Variants in GRID2 observed in about 807,000 individuals in gnomAD.
GRID2 encodes glutamate ionotropic receptor delta type subunit 2.
A neutral mutation model predicts 114.8 loss-of-function variants in GRID2; 33 were observed. The observed-to-expected ratio is 0.29, with a 90% CI of 0.22 to 0.38. The LOEUF (loss-of-function observed/expected upper bound fraction) is 0.38, where lower values mean the gene tolerates loss of function less well. Among genes scored for constraint, GRID2 ranks in the 10% least tolerant of loss-of-function variants. The pLI, the probability that GRID2 is intolerant of heterozygous loss-of-function variation, is 1.00. For missense variants in GRID2, 1,184 were observed against 1,257.7 expected, an observed-to-expected ratio of 0.94 and a Z score of 0.89; for synonymous variants, 505 against 449.9, an observed-to-expected ratio of 1.12 and a Z score of -1.55.
Position 92,904,767 on chromosome 4 carries a change from A to C in GRID2, c.245-180228A>C, listed in dbSNP as rs147660654. On this transcript the variant is annotated intron_variant, in intron 2 of 15. Coordinates refer to ENST00000282020, the MANE Select transcript of GRID2 (RefSeq NM_001510.4). ...GGAGCAATGACAATGGATGGAACCA[A>C]AGAAAGAATACATTTATGAATTACA... Among the ~76,000 whole-genome samples, 12 of 152,140 alleles carry C rather than the reference A, an allele frequency of 7.9e-5. No individual in the cohort carries two copies. The East Asian group carries it at 2.3e-3, about 29-fold the overall frequency.
chr4:92,811,162 CT>C (rs1467420759), intron 2 of GRID2, among the ~76,000 whole-genome samples: 3 of 152,174 alleles, frequency 2.0e-5, no homozygotes, highest in South Asian at 2.1e-4. Flanking sequence ...CCAAAAATAT[CT>C]TTTTGCAGTA....
chr4:93,063,076 CAG>C (rs2149295227), intron 2 of GRID2, among the ~76,000 whole-genome samples: 1 of 151,940 alleles, frequency 6.6e-6, no homozygotes, highest in East Asian at 1.9e-4. Context: ...TATCTGGTAA[CAG>C]TGATGTTTGG....
At chr4:92,426,309 C>T (rs968696430) in intron 1 of GRID2, among the ~76,000 whole-genome samples, 4 of 152,060 alleles carry the variant, frequency 2.6e-5, no homozygotes, top group Admixed American at 6.6e-5. Context: ...TATATGGTAA[C>T]ATGATATACA....
chr4:92,396,463 CTT>C (rs1730496274), intron 1 of GRID2, among the ~76,000 whole-genome samples: 1 of 151,862 alleles, frequency 6.6e-6, no homozygotes, highest in Non-Finnish European at 1.5e-5. Flanking sequence ...ATGAGAATGA[CTT>C]ATCATCATCA....
intron 2 of GRID2, among the ~76,000 whole-genome samples, chr4:93,025,955 A>G (rs1287359319): frequency 6.6e-6 from 1 of 151,764 alleles, no homozygotes; most frequent in Non-Finnish European, 1.5e-5. Flanking sequence ...CTAGACATCA[A>G]TCCTAGTAGT....
chr4:93,558,777 A>T (rs1734591106), intron 13 of GRID2, among the ~76,000 whole-genome samples: 1 of 152,118 alleles, frequency 6.6e-6, no homozygotes, highest in Non-Finnish European at 1.5e-5. Flanking sequence ...GCAGAAACAC[A>T]ACAAAAAAAA....
intron 8 of GRID2, among the ~76,000 whole-genome samples, chr4:93,285,167 A>AT (rs2149134099): frequency 1.2e-5 from 1 of 85,192 alleles, no homozygotes; most frequent in East Asian, 2.9e-4. Flanking sequence ...GCATTTTGTA[A>AT]TAAAAAATAT....
At position 93,496,282 on chromosome 4, in the gene GRID2, A is replaced by G. The variant is rs183301341; in HGVS notation, c.1997+5505A>G. 1.1e-4 allele frequency among the ~76,000 whole-genome samples: 16 copies of G among 151,902 alleles called. No homozygotes were observed. In the East Asian group the frequency reaches 2.7e-3, roughly 26 times the overall value. On this transcript the variant is annotated intron_variant, in intron 12 of 15. Coordinates refer to ENST00000282020, the MANE Select transcript of GRID2 (RefSeq NM_001510.4). Reference sequence around the variant, plus strand: ...TTAATTTTGCAATTATTATATATACACAGGAAGTTTCAAAGATATAGTACA... The same window carrying G: ...TTAATTTTGCAATTATTATATATACGCAGGAAGTTTCAAAGATATAGTACA...
At chr4:93,126,620 C>T (rs1734291358) in intron 4 of GRID2, among the ~76,000 whole-genome samples, 1 of 69,054 alleles carries the variant, frequency 1.4e-5, no homozygotes, top group Non-Finnish European at 2.5e-5. Flanking sequence ...TTTTTTGAGA[C>T]GGAGTCTCGC....
rs77386172 is a variant in GRID2, at chr4:92,460,283, A to G, written c.89-129848A>G. 9.8e-3 allele frequency among the ~76,000 whole-genome samples: 1,494 copies of G among 151,792 alleles called. 23 individuals are homozygous for G. The highest frequency in any genetic ancestry group is 0.035 in the African/African-American group (1,432 of 41,394). The stretch of plus-strand genomic sequence containing the variant: ...GGGGTCAGCAGATATTCTTCCAGAG[A>G]CAAGAAGCACTGGTGTAAACAAGTA... On this transcript the variant is annotated intron_variant, in intron 1 of 15. Transcript: ENST00000282020.
chr4:92,572,581 A>G (rs1000177889), intron 1 of GRID2, among the ~76,000 whole-genome samples: 2 of 152,150 alleles, frequency 1.3e-5, no homozygotes, highest in Admixed American at 6.6e-5. Context: ...AGATACAACA[A>G]AAAAAGAGAA....
chr4:93,432,961 T>C (rs760915506), intron 10 of GRID2, among the ~76,000 whole-genome samples: 20 of 152,178 alleles, frequency 1.3e-4, no homozygotes, highest in Non-Finnish European at 2.1e-4. Flanking sequence ...TCCGAGCTGT[T>C]GAGGAGGCTG....
intron 14 of GRID2, among the ~76,000 whole-genome samples, chr4:93,725,362 T>C (rs1421884879): frequency 6.6e-6 from 1 of 152,248 alleles, no homozygotes; most frequent in Admixed American, 6.5e-5. Context: ...ATGTGCCACA[T>C]TTTCTTAATC....
At position 92,337,662 on chromosome 4, in the gene GRID2, A is replaced by G. The variant is rs552282400; in HGVS notation, c.88+32918A>G. 3.3e-5 allele frequency among the ~76,000 whole-genome samples: 5 copies of G among 152,220 alleles called. No homozygotes were observed. The East Asian group carries it at 9.7e-4, about 29-fold the overall frequency. ...AAACCATCAGATCTTGTAAGAACTC[A>G]CTCACTATCAGAAGAACTGCTTGGG... On this transcript the variant is annotated intron_variant, in intron 1 of 15. Coordinates refer to ENST00000282020, the MANE Select transcript of GRID2 (RefSeq NM_001510.4).
intron 11 of GRID2, among the ~76,000 whole-genome samples, chr4:93,483,364 G>C (rs10049518): frequency 9.2e-5 from 14 of 151,680 alleles, no homozygotes; most frequent in South Asian, 8.3e-4. Context: ...TTTTAAAAAA[G>C]GTATTAGTTT....
intron 2 of GRID2, among the ~76,000 whole-genome samples, chr4:93,008,590 C>T (rs943941717): frequency 2.2e-4 from 34 of 151,788 alleles, no homozygotes; most frequent in Middle Eastern, 3.4e-3. Flanking sequence ...TTGTTGCTTG[C>T]GTGTTTTGAT....
rs1301733848 is a variant in GRID2 at position 93,368,364 on chromosome 4, A to G, written c.1246-27243A>G. On this transcript the variant is annotated intron_variant, in intron 8 of 15. Coordinates refer to ENST00000282020, the MANE Select transcript of GRID2 (RefSeq NM_001510.4). ...TAACTATGTTACATTCTTAAGTTAC[A>G]TTCTTAACTATGGGGATATAGTAAG... Among the ~76,000 whole-genome samples, 3 of 151,910 alleles carry G rather than the reference A, an allele frequency of 2.0e-5. No homozygotes were observed. The East Asian group carries it at 5.8e-4, about 30-fold the overall frequency.
intron 4 of GRID2, among the ~76,000 whole-genome samples, chr4:93,161,860 C>CTT: frequency 6.6e-6 from 1 of 151,534 alleles, no homozygotes. Context: ...TTCTTTTATA[C>CTT]TTTAAGTTTT....
At chr4:93,483,946 AT>A (rs1278975877) in intron 11 of GRID2, among the ~76,000 whole-genome samples, 2 of 151,264 alleles carry the variant, frequency 1.3e-5, no homozygotes, top group African/African-American at 2.4e-5. Flanking sequence ...TTTTTTTTTA[AT>A]TTGGCACATA....
Sources: allele counts gnomAD v4.1 joint callset (sites outside exome capture counted in the v4.1 genomes callset), GRCh38; gene constraint gnomAD v4.1.1; transcripts MANE v1.5; gene names NCBI Gene and HGNC (gene_info 2026-07-23, HGNC 2026-07-21).